Variants in CRTC1 observed in about 807,000 individuals in gnomAD.
The protein encoded by CRTC1 is CREB-regulated transcription coactivator 1.
Under a neutral mutation model 66.1 loss-of-function variants are expected in CRTC1, and 18 were observed. That is an observed-to-expected ratio of 0.27 (90% CI 0.19 to 0.40). The LOEUF is 0.40. CRTC1 is among the 10% of genes least tolerant of loss of function. The pLI, the probability that CRTC1 is intolerant of heterozygous loss-of-function variation, is 1.00. For synonymous variants in CRTC1, 416 were observed against 398.8 expected (o/e 1.04, Z -0.51); for missense variants, 669 against 887.9 (o/e 0.75, Z 3.13).
intron 10 of CRTC1, among the ~76,000 whole-genome samples, chr19:18,770,489 C>T (rs1266597408): frequency 6.6e-6 from 1 of 152,252 alleles, no homozygotes; most frequent in Non-Finnish European, 1.5e-5. Flanking sequence ...GCTTAGAGAG[C>T]CAGGGGACCT....
intron 1 of CRTC1, among the ~76,000 whole-genome samples, chr19:18,697,589 C>G (rs10421240): frequency 6.6e-6 from 1 of 152,232 alleles, no homozygotes; most frequent in African/African-American, 2.4e-5. Context: ...GGATTACAGG[C>G]ATGAGCCAAT....
At position 18,729,307 on chromosome 19, in the gene CRTC1, T is replaced by C. The variant is rs535663016; in HGVS notation, c.127-13603T>C. On this transcript the variant is annotated intron_variant, in intron 1 of 13. Coordinates refer to ENST00000321949, the MANE Select transcript of CRTC1 (RefSeq NM_015321.3). ...CGGGCGTGGCGGCGGGCACCTGTAG[T>C]CCCAGCTACTCAGGGGGCTGAGGTG... Among the ~76,000 whole-genome samples, 142 of 150,802 alleles carry C rather than the reference T, an allele frequency of 9.4e-4. 1 individual carries two copies. Among genetic ancestry groups the C allele is most frequent in the African/African-American group, 3.2e-3 (133 of 41,174 alleles).
chr19:18,765,391 A>G lies in CRTC1; in HGVS notation c.887-13A>G. 2 of 1,604,698 alleles carry G rather than the reference A, an allele frequency of 1.2e-6. No homozygotes were observed. The highest frequency in any genetic ancestry group is 1.7e-6 in the Non-Finnish European group (2 of 1,174,172). On this transcript the variant is annotated splice_polypyrimidine_tract_variant and intron_variant, in intron 8 of 13. Coordinates refer to ENST00000321949, the MANE Select transcript of CRTC1 (RefSeq NM_015321.3). ...CTCACACCTGCTCTCCCTCCCTCCT[A>G]CTTCCTCTCTAGGAATGAGCACACC...
chr19:18,745,261 G>A (rs912924133), intron 2 of CRTC1, among the ~76,000 whole-genome samples: 2 of 152,174 alleles, frequency 1.3e-5, no homozygotes, highest in Non-Finnish European at 2.9e-5. Context: ...GGCTGCGGGG[G>A]AGGGTGTGTG....
chr19:18,691,780 C>T (rs1159673481), intron 1 of CRTC1, among the ~76,000 whole-genome samples: 1 of 151,936 alleles, frequency 6.6e-6, no homozygotes, highest in Non-Finnish European at 1.5e-5. Context: ...GTGGCGTGAT[C>T]TCGGCTCACT....
intron 1 of CRTC1, among the ~76,000 whole-genome samples, chr19:18,715,144 G>A (rs1050967599): frequency 2.0e-5 from 3 of 152,326 alleles, no homozygotes; most frequent in African/African-American, 4.8e-5. Context: ...GGGGGCTCCC[G>A]GAGCTCCTTG....
At chr19:18,754,350 G>C (rs1394845603) in intron 6 of CRTC1, among the ~76,000 whole-genome samples, 1 of 152,112 alleles carries the variant, frequency 6.6e-6, no homozygotes, top group Non-Finnish European at 1.5e-5. Context: ...GTGAGACCCT[G>C]CCTCTACAAA....
chr19:18,734,376 A>G (rs2053953105), intron 1 of CRTC1, among the ~76,000 whole-genome samples: 1 of 152,094 alleles, frequency 6.6e-6, no homozygotes, highest in Admixed American at 6.6e-5. Flanking sequence ...AAAGATTAAA[A>G]AAAAATAGAA....
At chr19:18,689,777 T>G (rs1013114022) in intron 1 of CRTC1, among the ~76,000 whole-genome samples, 2 of 151,242 alleles carry the variant, frequency 1.3e-5, no homozygotes, top group African/African-American at 4.9e-5. Flanking sequence ...TTGGCTGTCG[T>G]GAATCATGCT....
chr19:18,708,907 C>T (rs748301007), intron 1 of CRTC1, among the ~76,000 whole-genome samples: 39 of 152,228 alleles, frequency 2.6e-4, no homozygotes, highest in Non-Finnish European at 4.9e-4. Flanking sequence ...TTCAGGCAGC[C>T]GTGTGGCCAC....
rs1364052551 is a variant in CRTC1 at position 18,771,450 on chromosome 19, T to C, written c.1329T>C (p.Ala443=). ...SMGIDIASAP[A]LQQYRTSAGS... ...TCTGTCTGTCATCGCAGGCGCCGGC[T>C]CTGCAGCAGTACCGCACTAGCGCCG... Residue 443 remains alanine, a synonymous_variant, in exon 11 of 14, where the codon GCT becomes GCC. Transcript: ENST00000321949. This position sits in a 1 kb window ranked among gnomAD's most constrained non-coding sequence, Gnocchi z 4.6. 3 of 1,612,880 alleles carry C rather than the reference T, an allele frequency of 1.9e-6. No homozygotes were observed. The highest frequency in any genetic ancestry group is 2.2e-5 in the South Asian group (2 of 90,948).
At chr19:18,724,359 A>G (rs1392908033) in intron 1 of CRTC1, among the ~76,000 whole-genome samples, 1 of 152,056 alleles carries the variant, frequency 6.6e-6, no homozygotes, top group Non-Finnish European at 1.5e-5. Flanking sequence ...TCTAGGATCA[A>G]GGGACCTGGG....
intron 1 of CRTC1, among the ~76,000 whole-genome samples, chr19:18,700,182 C>T (rs1600776182): frequency 6.6e-6 from 1 of 152,178 alleles, no homozygotes; most frequent in Non-Finnish European, 1.5e-5. Flanking sequence ...GTACTTGGGT[C>T]CTGACGCCTC....
intron 1 of CRTC1, among the ~76,000 whole-genome samples, chr19:18,740,871 G>C (rs1484114806): frequency 2.0e-5 from 3 of 152,108 alleles, no homozygotes; most frequent in Non-Finnish European, 4.4e-5. Context: ...AATTAGCCAG[G>C]CATGGTGCCT....
intron 4 of CRTC1, 115 bp from the exon 5 acceptor site, chr19:18,749,666 C>CA (rs2054320121): frequency 1.2e-6 from 1 of 852,438 alleles, no homozygotes; most frequent in South Asian, 1.5e-5. Context: ...CAGCAGCTCA[C>CA]AAAAATGATC....
At chr19:18,738,902 G>T (rs2054054924) in intron 1 of CRTC1, among the ~76,000 whole-genome samples, 1 of 152,232 alleles carries the variant, frequency 6.6e-6, no homozygotes, top group African/African-American at 2.4e-5. Flanking sequence ...TCTAAGGAGG[G>T]GCCGTCAGGC....
chr19:18,754,869 C>T (rs1267190359), intron 6 of CRTC1, among the ~76,000 whole-genome samples: 1 of 152,104 alleles, frequency 6.6e-6, no homozygotes, highest in Non-Finnish European at 1.5e-5. Context: ...AAGGGTTGTG[C>T]GTTTTCTGTC....
At chr19:18,721,154 GT>G (rs2053619029) in intron 1 of CRTC1, among the ~76,000 whole-genome samples, 1 of 150,352 alleles carries the variant, frequency 6.7e-6, no homozygotes, top group Non-Finnish European at 1.5e-5. Context: ...GAGGATGCTA[GT>G]CATTGGATTT....
chr19:18,756,023 C>A (rs992644743), intron 6 of CRTC1, among the ~76,000 whole-genome samples: 1 of 151,946 alleles, frequency 6.6e-6, no homozygotes, highest in Admixed American at 6.6e-5. Context: ...TCCACTCTTA[C>A]GGGAAAAAAA....
Sources: allele counts gnomAD v4.1 joint callset (sites outside exome capture counted in the v4.1 genomes callset), GRCh38; gene constraint gnomAD v4.1.1; non-coding constraint Gnocchi (gnomAD v3.1); transcripts MANE v1.5; gene names NCBI Gene and HGNC (gene_info 2026-07-23, HGNC 2026-07-21).